Variants in ALG11 observed in about 807,000 individuals in gnomAD.
ALG11 encodes ALG11 alpha-1,2-mannosyltransferase.
A neutral mutation model predicts 38.8 loss-of-function variants in ALG11; 26 were observed. That is an observed-to-expected ratio of 0.67 (90% CI 0.49 to 0.93). ALG11 has a LOEUF of 0.93. Ranked by LOEUF, ALG11 falls within the 40% of genes least tolerant of loss-of-function variation. The pLI, the probability that ALG11 is intolerant of heterozygous loss-of-function variation, is 0.00. For missense variants in ALG11, 535 were observed against 578.8 expected, an observed-to-expected ratio of 0.92 and a Z score of 0.78; for synonymous variants, 199 against 211.6, an observed-to-expected ratio of 0.94 and a Z score of 0.52.
rs1256941694 is a variant in ALG11, at chr13:52,030,298, A to G, written c.*1708A>G. The G allele has an allele frequency of 6.2e-6, 10 of 1,614,228 alleles. No homozygotes were observed. The highest frequency in any genetic ancestry group is 1.7e-5 in the Admixed American group (1 of 60,032). On this transcript the variant is annotated 3_prime_UTR_variant, in exon 4 of 4. Coordinates refer to ENST00000521508, the MANE Select transcript of ALG11 (RefSeq NM_001004127.3). Reference sequence around the variant, plus strand: ...CTGCCCCAGAAGAAGCGGAACCCCTATTGCTACAGAGGTCAGAGAGAGTAC... The same window carrying G: ...CTGCCCCAGAAGAAGCGGAACCCCTGTTGCTACAGAGGTCAGAGAGAGTAC...
In ALG11 at chr13:52,031,697, T is replaced by C. The variant is rs1185969321; in HGVS notation, c.*3107T>C. On this transcript the variant is annotated 3_prime_UTR_variant, in exon 4 of 4. Transcript: ENST00000521508. Reference sequence around the variant, plus strand: ...GGGTATCTATTACCAGCATAATGCATTGTAAGATGGCAAGGTGGCATTTTG... The same window carrying C: ...GGGTATCTATTACCAGCATAATGCACTGTAAGATGGCAAGGTGGCATTTTG... 6.0e-6 allele frequency: 1 copy of C among 167,390 alleles called. No individual in the cohort carries two copies. The highest frequency in any genetic ancestry group is 2.4e-5 in the African/African-American group (1 of 41,446). The allele number at this position is 167,390 out of a possible 1,614,324, so 10.4% of individuals were successfully genotyped here. A position where few individuals can be genotyped will look rare whatever the true frequency, so the allele number is the denominator to read the frequency against.
Position 52,031,031 on chromosome 13 carries a change from A to C in ALG11, c.*2441A>C, listed in dbSNP as rs751286727. 8 of 1,614,110 alleles carry C rather than the reference A, an allele frequency of 5.0e-6. No individual in the cohort carries two copies. In the South Asian group the frequency reaches 7.7e-5, roughly 16 times the overall value. On this transcript the variant is annotated 3_prime_UTR_variant, in exon 4 of 4. Transcript: ENST00000521508. Reference sequence around the variant, plus strand: ...GGATGTGGGCTACCAGTCTTCCTCAAGGTCAGACCTGCCTGTCATACAGAG... The same window carrying C: ...GGATGTGGGCTACCAGTCTTCCTCACGGTCAGACCTGCCTGTCATACAGAG...
chr13:52,025,091 A>G (rs1387810765), intron 3 of ALG11, among the ~76,000 whole-genome samples, 154 bp downstream of exon 3: 1 of 152,170 alleles, frequency 6.6e-6, no homozygotes, highest in African/African-American at 2.4e-5. Context: ...ACCTTGTAAG[A>G]TAGTAGTTAA....
rs1202560076 is a variant in ALG11, at chr13:52,030,964, C to T, written c.*2374C>T. On this transcript the variant is annotated 3_prime_UTR_variant, in exon 4 of 4. Transcript: ENST00000521508. Reference sequence around the variant, plus strand: ...TCCAAAAGCTGACTACTCCCAAGGTCGTCACCAAGCCAGGCCATATCATTA... The same window carrying T: ...TCCAAAAGCTGACTACTCCCAAGGTTGTCACCAAGCCAGGCCATATCATTA... 4 of 1,614,174 alleles carry T rather than the reference C, an allele frequency of 2.5e-6. No individual in the cohort carries two copies. Among genetic ancestry groups the T allele is most frequent in the Non-Finnish European group, 2.5e-6 (3 of 1,180,022 alleles).
At chr13:52,018,457 G>T (rs1954153387) in intron 1 of ALG11, among the ~76,000 whole-genome samples, 1 of 152,130 alleles carries the variant, frequency 6.6e-6, no homozygotes, top group Admixed American at 6.5e-5. Context: ...GAGGTGAAGT[G>T]ATGGAATGAA....
At chr13:52,022,680 T>A (rs1954194138) in intron 2 of ALG11, 1 of 151,706 alleles carries the variant, frequency 6.6e-6, no homozygotes. Flanking sequence ...ATCTCATTAC[T>A]AGATGCTTAA....
Position 52,029,876 on chromosome 13 carries a change from C to T in ALG11, c.*1286C>T, listed in dbSNP as rs768185974. 11 of 1,614,172 alleles carry T rather than the reference C, an allele frequency of 6.8e-6. No individual in the cohort carries two copies. The Admixed American group carries it at 1.7e-4, about 24-fold the overall frequency. ...AGAAGTGGAAGAACTCCTTGTCCCTCATGTAGCGAATGAAGTGCAGATGAA... is the reference window on the plus strand; with the variant it reads ...AGAAGTGGAAGAACTCCTTGTCCCTTATGTAGCGAATGAAGTGCAGATGAA... On this transcript the variant is annotated 3_prime_UTR_variant, in exon 4 of 4. Coordinates refer to ENST00000521508, the MANE Select transcript of ALG11 (RefSeq NM_001004127.3).
chr13:52,029,567 G>A lies in ALG11; in HGVS notation c.*977G>A, dbSNP rs779326762. 17 of 1,614,082 alleles carry A rather than the reference G, an allele frequency of 1.1e-5. No individual in the cohort carries two copies. The highest frequency in any genetic ancestry group is 6.7e-5 in the African/African-American group (5 of 74,932). On this transcript the variant is annotated 3_prime_UTR_variant, in exon 4 of 4. Coordinates refer to ENST00000521508, the MANE Select transcript of ALG11 (RefSeq NM_001004127.3). ...CAAAAGTAAAAAGTATCACAAAGTC[G>A]TGAAGAAAGGAAAGGCCAAGAAAGC...
In ALG11 at chr13:52,012,488, C is replaced by G. The variant is rs1298787571; in HGVS notation, c.44+26C>G. ...GTGAGCAGCCGGTCGTGTGGGCTCA[C>G]AGACGTTTTCTCTTCTGTAGGGGTA... On this transcript the variant is annotated intron_variant, in intron 1 of 3. Coordinates refer to ENST00000521508, the MANE Select transcript of ALG11 (RefSeq NM_001004127.3). The G allele has an allele frequency of 3.7e-6, 6 of 1,614,014 alleles. No individual in the cohort carries two copies. In the South Asian group the frequency reaches 6.6e-5, roughly 18 times the overall value.
In ALG11 at chr13:52,024,289, T is replaced by C. The variant is rs1456534044; in HGVS notation, c.559T>C (p.Tyr187His). ...CGCTTTTACGCTTCCTCTGTTTAAGTATATAGGGGGTTGCCAAGTTGGAAG... is the reference window on the plus strand; with the variant it reads ...CGCTTTTACGCTTCCTCTGTTTAAGCATATAGGGGGTTGCCAAGTTGGAAG... ...GYAFTLPLFK[Y>H]IGGCQVGSYV... Residue 187 changes from tyrosine to histidine, a missense_variant, in exon 3 of 4, where the codon TAT becomes CAT. Tyr to His is a moderately conservative substitution (Grantham distance 83, BLOSUM62 2). Transcript: ENST00000521508. The C allele has an allele frequency of 1.2e-6, 2 of 1,614,132 alleles. No homozygotes were observed. Among genetic ancestry groups the C allele is most frequent in the South Asian group, 2.2e-5 (2 of 91,082 alleles).
At chr13:52,014,034 T>G (rs1265531765) in intron 1 of ALG11, among the ~76,000 whole-genome samples, 1 of 152,196 alleles carries the variant, frequency 6.6e-6, no homozygotes, top group Non-Finnish European at 1.5e-5. Context: ...ACTTGTCAAA[T>G]GTGGTCTAGC....
rs118101589 is a variant in ALG11, at chr13:52,026,641, T to A, written c.1208-1678T>A. Among the ~76,000 whole-genome samples the A allele has an allele frequency of 3.3e-5, 5 of 152,056 alleles. No homozygotes were observed. The East Asian group carries it at 9.7e-4, about 29-fold the overall frequency. On this transcript the variant is annotated intron_variant, in intron 3 of 3. Transcript: ENST00000521508. ...GGGAGGAAGAGAAGACTACCTAGGG[T>A]TTTGGGAGCAGGGCAGCTGTGAGAA...
chr13:52,028,797 C>G lies in ALG11; in HGVS notation c.*207C>G, dbSNP rs1172919363. 1 of 1,614,134 alleles carries G rather than the reference C, an allele frequency of 6.2e-7. No homozygotes were observed. Among genetic ancestry groups the G allele is most frequent in the East Asian group, 2.2e-5 (1 of 44,874 alleles). On this transcript the variant is annotated 3_prime_UTR_variant, in exon 4 of 4. Coordinates refer to ENST00000521508, the MANE Select transcript of ALG11 (RefSeq NM_001004127.3). ...TCTTGGTATACATGAGAGAGGCTGG[C>G]TGCTGAGATGAATGTGAACCAGGTT...
intron 2 of ALG11, chr13:52,022,888 C>G (rs1477403891): frequency 6.6e-6 from 1 of 152,084 alleles, no homozygotes; most frequent in Admixed American, 6.5e-5. Context: ...GTCTTGAACT[C>G]CTGACCTCAG....
rs757125766 is a variant in ALG11 at position 52,030,929 on chromosome 13, C to A, written c.*2339C>A. On this transcript the variant is annotated 3_prime_UTR_variant, in exon 4 of 4. Transcript: ENST00000521508. Reference sequence around the variant, plus strand: ...CCCTATAGGATCCACATGGAACACCCAGAGGGCTTTCCAAAAGCTGACTAC... The same window carrying A: ...CCCTATAGGATCCACATGGAACACCAAGAGGGCTTTCCAAAAGCTGACTAC... The A allele has an allele frequency of 1.5e-5, 25 of 1,614,032 alleles. 1 individual carries two copies. The South Asian group carries it at 2.7e-4, about 18-fold the overall frequency.
chr13:52,020,601 G>A (rs1282418808), intron 2 of ALG11: 6 of 152,076 alleles, frequency 3.9e-5, no homozygotes, highest in South Asian at 2.1e-4. Flanking sequence ...TCTTGATGGC[G>A]GTGGTAAAGT....
At chr13:52,025,485 T>C (rs1045022614) in intron 3 of ALG11, among the ~76,000 whole-genome samples, 2 of 152,232 alleles carry the variant, frequency 1.3e-5, no homozygotes, top group African/African-American at 2.4e-5. Context: ...GATTCTGTTA[T>C]GCATCAAAAG....
intron 2 of ALG11, chr13:52,020,633 GT>G (rs1954176143): frequency 6.6e-6 from 1 of 152,058 alleles, no homozygotes; most frequent in African/African-American, 2.4e-5. Context: ...TGTACACATA[GT>G]CCCCAGCAGC....
rs370985603 is a variant in ALG11, at chr13:52,030,818, C to T, written c.*2228C>T. ...GCCAAATGTGATTATCAGTGAGAAGCGCAACATCCACGCAGCAGCTCATCA... is the reference window on the plus strand; with the variant it reads ...GCCAAATGTGATTATCAGTGAGAAGTGCAACATCCACGCAGCAGCTCATCA... On this transcript the variant is annotated 3_prime_UTR_variant, in exon 4 of 4. Coordinates refer to ENST00000521508, the MANE Select transcript of ALG11 (RefSeq NM_001004127.3). The T allele has an allele frequency of 3.9e-5, 63 of 1,614,094 alleles. No homozygotes were observed. In the South Asian group the frequency reaches 4.6e-4, roughly 12 times the overall value.
Sources: gnomAD v4.1 joint callset for allele counts (sites outside exome capture counted in the v4.1 genomes callset) on GRCh38, gnomAD v4.1.1 for gene constraint, MANE v1.5 for transcripts, NCBI Gene and HGNC (gene_info 2026-07-23, HGNC 2026-07-21) for gene names.